GALNT13: variants seen among roughly 807,000 people sequenced by gnomAD.
GALNT13 encodes polypeptide N-acetylgalactosaminyltransferase 13.
In GALNT13, 28 loss-of-function variants were observed where a neutral mutation model predicts 64.2. That is an observed-to-expected ratio of 0.44 (90% CI 0.32 to 0.60). The LOEUF (loss-of-function observed/expected upper bound fraction) is 0.60. GALNT13 is among the 20% of genes least tolerant of loss of function. GALNT13 has a pLI of 0.05. For missense variants in GALNT13, 577 were observed against 669.8 expected (o/e 0.86, Z 1.53); for synonymous variants, 214 against 224.6 (o/e 0.95, Z 0.42).
chr2:154,243,181 T>A (rs1689589903), intron 6 of GALNT13, among the ~76,000 whole-genome samples: 1 of 152,230 alleles, frequency 6.6e-6, no homozygotes, highest in South Asian at 2.1e-4. Flanking sequence ...TAAAATAGTA[T>A]AATTGTGTTA....
intron 6 of GALNT13, among the ~76,000 whole-genome samples, chr2:154,244,908 G>A (rs574011745): frequency 1.3e-5 from 2 of 152,088 alleles, no homozygotes; most frequent in East Asian, 3.9e-4. Flanking sequence ...ATCACCTGAG[G>A]TCAGGAGTTC....
intron 1 of GALNT13, among the ~76,000 whole-genome samples, chr2:153,883,711 ATTTAATG>A (rs1686942520): frequency 6.6e-6 from 1 of 152,080 alleles, no homozygotes; most frequent in African/African-American, 2.4e-5. Context: ...ATTATAGAAT[ATTTAATG>A]TTTAAGGAGT....
At chr2:154,456,107 CAAG>C (rs1702029056), downstream of GALNT13, among the ~76,000 whole-genome samples, 1 of 149,660 alleles carries the variant, frequency 6.7e-6, no homozygotes, top group Admixed American at 6.7e-5. Context: ...AAAAATAGCA[CAAG>C]GGGGAAAAAA....
intron 3 of GALNT13, among the ~76,000 whole-genome samples, chr2:154,048,963 C>T (rs929203656): frequency 6.7e-6 from 1 of 148,448 alleles, no homozygotes; most frequent in Non-Finnish European, 1.5e-5. Context: ...CAGTCAAGTA[C>T]ATGTGGATGT....
chr2:153,703,898 C>T, the GALNT13 span, among the ~76,000 whole-genome samples: 1 of 152,026 alleles, frequency 6.6e-6, no homozygotes, highest in East Asian at 1.9e-4. Flanking sequence ...AGTTTCTTCA[C>T]AGTAAAATAA....
chr2:154,119,466 A>G (rs991541947), intron 3 of GALNT13, among the ~76,000 whole-genome samples: 1 of 152,132 alleles, frequency 6.6e-6, no homozygotes, highest in Non-Finnish European at 1.5e-5. Flanking sequence ...GTTTACATCT[A>G]TCCTTAGATT....
At chr2:153,883,698 G>A (rs1339895765) in intron 1 of GALNT13, among the ~76,000 whole-genome samples, 1 of 151,676 alleles carries the variant, frequency 6.6e-6, no homozygotes, top group Non-Finnish European at 1.5e-5. Flanking sequence ...ACAAAAAGGG[G>A]ACATTATAGA....
At chr2:153,186,625 G>A in the GALNT13 span, among the ~76,000 whole-genome samples, 2 of 151,904 alleles carry the variant, frequency 1.3e-5, no homozygotes, top group African/African-American at 4.8e-5. Flanking sequence ...CTGGAGTGCA[G>A]TGGCATGATC....
chr2:153,712,926 G>T, the GALNT13 span, among the ~76,000 whole-genome samples: 1 of 152,106 alleles, frequency 6.6e-6, no homozygotes, highest in Non-Finnish European at 1.5e-5. Context: ...TGCCCCACCG[G>T]GGAATATTAA....
chr2:154,438,288 C>T (rs1218957978), intron 11 of GALNT13, among the ~76,000 whole-genome samples: 1 of 152,126 alleles, frequency 6.6e-6, no homozygotes, highest in Admixed American at 6.6e-5. Context: ...TTTTACTTAA[C>T]CTATTGAGAG....
rs151015958 is a variant in GALNT13 at position 154,079,840 on chromosome 2, T to C, written c.143-60497T>C. ...TCTTATTAATAATCATCATCGAACA[T>C]AGAAAATTAAAGCAAAGTAAAATTA... On this transcript the variant is annotated intron_variant, in intron 3 of 12. Transcript: ENST00000392825. Among the ~76,000 whole-genome samples, 8 of 151,808 alleles carry C rather than the reference T, an allele frequency of 5.3e-5. No individual in the cohort carries two copies. In the East Asian group the frequency reaches 1.6e-3, roughly 29 times the overall value.
the GALNT13 span, among the ~76,000 whole-genome samples, chr2:153,109,100 A>G: frequency 1.3e-5 from 2 of 152,274 alleles, no homozygotes; most frequent in East Asian, 3.9e-4. Context: ...CTGTAGAACT[A>G]CTTCTTAATA....
At chr2:153,889,626 C>T (rs1239276872) in intron 1 of GALNT13, among the ~76,000 whole-genome samples, 3 of 151,988 alleles carry the variant, frequency 2.0e-5, no homozygotes, top group African/African-American at 7.2e-5. Context: ...GGCCAGAGGC[C>T]TACATCTCAC....
chr2:153,445,501 C>T, the GALNT13 span, among the ~76,000 whole-genome samples: 1 of 152,086 alleles, frequency 6.6e-6, no homozygotes, highest in African/African-American at 2.4e-5. Context: ...CCTCAGCCTC[C>T]AGGGTAGCTG....
At chr2:154,019,374 C>T (rs1005442348) in intron 3 of GALNT13, among the ~76,000 whole-genome samples, 4 of 152,104 alleles carry the variant, frequency 2.6e-5, no homozygotes, top group Non-Finnish European at 5.9e-5. Flanking sequence ...GTGGCTCACA[C>T]TTGTAATCCC....
chr2:153,349,968 G>C, the GALNT13 span, among the ~76,000 whole-genome samples: 1 of 152,056 alleles, frequency 6.6e-6, no homozygotes, highest in Non-Finnish European at 1.5e-5. Flanking sequence ...TTAAATCCTA[G>C]TTGCTTCATG....
the GALNT13 span, among the ~76,000 whole-genome samples, chr2:153,624,894 C>T: frequency 6.8e-6 from 1 of 146,904 alleles, no homozygotes; most frequent in African/African-American, 2.5e-5. Flanking sequence ...AGTTGATATA[C>T]TATAAAATGT....
chr2:154,120,300 C>T (rs114720453), intron 3 of GALNT13, among the ~76,000 whole-genome samples: 10 of 152,312 alleles, frequency 6.6e-5, no homozygotes, highest in Non-Finnish European at 1.0e-4. Context: ...AGGCTGGTCA[C>T]AGCATATATT....
intron 1 of GALNT13, among the ~76,000 whole-genome samples, chr2:153,898,189 C>G (rs1034892749): frequency 5.3e-5 from 8 of 152,084 alleles, no homozygotes; most frequent in African/African-American, 1.7e-4. Context: ...TACATACAAT[C>G]TGACATGTTT....
Sources: allele counts gnomAD v4.1 joint callset (sites outside exome capture counted in the v4.1 genomes callset), GRCh38; gene constraint gnomAD v4.1.1; transcripts MANE v1.5; gene names NCBI Gene and HGNC (gene_info 2026-07-23, HGNC 2026-07-21).